The following CLVS1 variants were observed in gnomAD, a reference collection of about 807,000 sequenced individuals.
The protein encoded by CLVS1 is clavesin 1, also known as clavesin-1.
Under a neutral mutation model 33.1 loss-of-function variants are expected in CLVS1, and 10 were observed. The ratio of observed to expected loss-of-function variants is 0.30; its 90% CI spans 0.19 to 0.51. CLVS1 has a LOEUF of 0.51. Ranked by LOEUF, CLVS1 falls within the 20% of genes least tolerant of loss-of-function variation. The pLI is 0.97. For missense variants in CLVS1, 343 were observed against 433.4 expected (o/e 0.79, Z 1.85); for synonymous variants, 163 against 166.1 (o/e 0.98, Z 0.14).
the CLVS1 span, among the ~76,000 whole-genome samples, chr8:61,038,280 A>C: frequency 6.6e-6 from 1 of 151,986 alleles, no homozygotes; most frequent in Admixed American, 6.6e-5. Flanking sequence ...GTCCTGTTTT[A>C]GGGTCTGGGT....
chr8:61,237,834 C>G (rs186774266), intron 2 of CLVS1, among the ~76,000 whole-genome samples: 11 of 151,560 alleles, frequency 7.3e-5, no homozygotes, highest in Non-Finnish European at 1.3e-4. Flanking sequence ...CACGGGGGTT[C>G]AGAGACACAG....
At chr8:61,193,083 C>G (rs574071751) in intron 2 of CLVS1, among the ~76,000 whole-genome samples, 1 of 152,098 alleles carries the variant, frequency 6.6e-6, no homozygotes, top group Non-Finnish European at 1.5e-5. Context: ...ATGTTTACTG[C>G]GGCACTATTC....
At chr8:61,183,782 C>T (rs1486722167) in intron 2 of CLVS1, among the ~76,000 whole-genome samples, 1 of 152,146 alleles carries the variant, frequency 6.6e-6, no homozygotes, top group East Asian at 1.9e-4. Context: ...ATCTAATACT[C>T]CCCCACCCCG....
chr8:61,125,616 A>C (rs1393366827), intron 1 of CLVS1, among the ~76,000 whole-genome samples: 1 of 152,226 alleles, frequency 6.6e-6, no homozygotes, highest in Non-Finnish European at 1.5e-5. Context: ...GGGGGATTTA[A>C]AATAAACAGC....
intron 2 of CLVS1, among the ~76,000 whole-genome samples, chr8:61,192,334 T>C (rs1362234988): frequency 5.3e-5 from 8 of 152,196 alleles, no homozygotes; most frequent in Non-Finnish European, 8.8e-5. Flanking sequence ...TGTAGAAAGC[T>C]GAAACTGGAT....
At chr8:61,293,986 A>T (rs1810095232) in intron 1 of CLVS1, among the ~76,000 whole-genome samples, 5 of 152,178 alleles carry the variant, frequency 3.3e-5, no homozygotes, top group Admixed American at 3.3e-4. Context: ...GTTGTTCAGC[A>T]GTTATTGATG....
At chr8:61,472,608 A>G (rs953440265) in intron 5 of CLVS1, among the ~76,000 whole-genome samples, 1 of 152,214 alleles carries the variant, frequency 6.6e-6, no homozygotes, top group East Asian at 1.9e-4. Context: ...TAGTCTCATT[A>G]CTTCTCCCAG....
chr8:61,325,333 T>C (rs1811346104), intron 2 of CLVS1, among the ~76,000 whole-genome samples: 1 of 152,188 alleles, frequency 6.6e-6, no homozygotes, highest in African/African-American at 2.4e-5. Context: ...ACCTTTAATA[T>C]GTACAACTTT....
chr8:61,413,542 A>G (rs1432397511), intron 3 of CLVS1, among the ~76,000 whole-genome samples: 2 of 152,222 alleles, frequency 1.3e-5, no homozygotes, highest in East Asian at 3.8e-4. Context: ...CCTTACCTAC[A>G]GTCCAGTGGT....
the CLVS1 span, among the ~76,000 whole-genome samples, chr8:61,035,130 T>C: frequency 6.6e-6 from 1 of 152,010 alleles, no homozygotes; most frequent in Non-Finnish European, 1.5e-5. Flanking sequence ...TCAAGCAAAA[T>C]AAAACTTGAG....
intron 2 of CLVS1, among the ~76,000 whole-genome samples, chr8:61,143,760 T>C (rs1025641025): frequency 7.3e-5 from 10 of 136,622 alleles, no homozygotes; most frequent in Non-Finnish European, 1.5e-4. Context: ...ATAATATGAA[T>C]ATATTATATA....
At chr8:61,033,558 G>A in the CLVS1 span, among the ~76,000 whole-genome samples, 18 of 152,208 alleles carry the variant, frequency 1.2e-4, no homozygotes, top group African/African-American at 4.1e-4. Context: ...AGTCAGGGGG[G>A]AGTGTGGGTG....
the CLVS1 span, among the ~76,000 whole-genome samples, chr8:61,027,499 A>T: frequency 6.6e-6 from 1 of 152,092 alleles, no homozygotes; most frequent in Admixed American, 6.6e-5. Context: ...TATGTATGTC[A>T]TCTTTGCTTG....
At chr8:61,417,430 C>T (rs1238567929) in intron 3 of CLVS1, among the ~76,000 whole-genome samples, 1 of 152,074 alleles carries the variant, frequency 6.6e-6, no homozygotes, top group African/African-American at 2.4e-5. Context: ...TTTGCTCCAC[C>T]TGTTGGACTT....
the CLVS1 span, among the ~76,000 whole-genome samples, chr8:61,027,467 A>T: frequency 6.6e-6 from 1 of 152,154 alleles, no homozygotes; most frequent in African/African-American, 2.4e-5. Flanking sequence ...TAATAAAATG[A>T]GCTGTCTAAT....
chr8:61,439,192 T>C (rs533570265), intron 3 of CLVS1, among the ~76,000 whole-genome samples: 5 of 152,332 alleles, frequency 3.3e-5, no homozygotes, highest in African/African-American at 1.2e-4. Flanking sequence ...CTGGCATCGA[T>C]TTCCTCTGCA....
At chr8:61,422,027 T>C (rs1664874211) in intron 3 of CLVS1, among the ~76,000 whole-genome samples, 1 of 152,176 alleles carries the variant, frequency 6.6e-6, no homozygotes. Context: ...AAGATTTTCT[T>C]GCTTGGAAAA....
chr8:61,409,508 T>C (rs1253350092), intron 3 of CLVS1, among the ~76,000 whole-genome samples: 1 of 152,194 alleles, frequency 6.6e-6, no homozygotes, highest in Non-Finnish European at 1.5e-5. Context: ...GTGCATAGTA[T>C]CCCATTAAAT....
intron 5 of CLVS1, among the ~76,000 whole-genome samples, chr8:61,466,275 A>C (rs145537668): frequency 5.9e-5 from 9 of 152,316 alleles, no homozygotes; most frequent in African/African-American, 2.2e-4. Context: ...TGACTGCAGG[A>C]GTGTTATTCT....
Sources: allele counts gnomAD v4.1 joint callset (sites outside exome capture counted in the v4.1 genomes callset), GRCh38; gene constraint gnomAD v4.1.1; transcripts MANE v1.5; gene names NCBI Gene and HGNC (gene_info 2026-07-23, HGNC 2026-07-21).